GRIP1: variants seen among roughly 807,000 people sequenced by gnomAD.
GRIP1 encodes glutamate receptor interacting protein 1.
A neutral mutation model predicts 129.9 loss-of-function variants in GRIP1; 45 were observed. The observed-to-expected ratio is 0.35, with a 90% CI of 0.27 to 0.44. The LOEUF (loss-of-function observed/expected upper bound fraction) is 0.44. Ranked by LOEUF, GRIP1 falls within the 20% of genes least tolerant of loss-of-function variation. The pLI is 1.00. For synonymous variants in GRIP1, 530 were observed against 520.8 expected (o/e 1.02, Z -0.24); for missense variants, 1,196 against 1,396.8 (o/e 0.86, Z 2.29).
chr12:67,028,552 T>C (rs2042972680), intron 1 of GRIP1, among the ~76,000 whole-genome samples: 1 of 152,206 alleles, frequency 6.6e-6, no homozygotes. Context: ...AGAATATAGC[T>C]AGCATATCCT....
chr12:66,478,755 C>T (rs1474155203), intron 7 of GRIP1, among the ~76,000 whole-genome samples: 9 of 152,164 alleles, frequency 5.9e-5, no homozygotes, highest in African/African-American at 2.2e-4. Flanking sequence ...TGGAAACCAT[C>T]ATTCTCAGCA....
intron 1 of GRIP1, among the ~76,000 whole-genome samples, chr12:66,861,584 C>T (rs2040113033): frequency 6.6e-6 from 1 of 152,090 alleles, no homozygotes; most frequent in Non-Finnish European, 1.5e-5. Flanking sequence ...AGAAATCCCA[C>T]ATGGCCATGG....
chr12:66,804,891 A>G (rs577039469), upstream of GRIP1, among the ~76,000 whole-genome samples: 92 of 152,340 alleles, frequency 6.0e-4, no homozygotes, highest in African/African-American at 1.6e-3. Flanking sequence ...AGGAGTGTGC[A>G]GTATGTGTTA....
At chr12:66,565,945 T>C (rs986494056) in intron 2 of GRIP1, among the ~76,000 whole-genome samples, 1 of 152,214 alleles carries the variant, frequency 6.6e-6, no homozygotes, top group Non-Finnish European at 1.5e-5. Flanking sequence ...TGTATAGGAA[T>C]GCTTGTGATT....
rs140276917 is a variant in GRIP1 at position 66,470,798 on chromosome 12, AG to A, written c.725-5377del. ...GTGAGAAGCTTATAGGGAAACTACA[AG>A]GGATGATACCGTACTCTGGGGGCAG... On this transcript the variant is annotated intron_variant, in intron 7 of 24. Coordinates refer to ENST00000359742, the MANE Select transcript of GRIP1 (RefSeq NM_001366722.1). Among the ~76,000 whole-genome samples, 1,460 of 152,336 alleles carry A rather than the reference AG, an allele frequency of 9.6e-3. 27 individuals carry two copies. Among genetic ancestry groups the A allele is most frequent in the African/African-American group, 0.032 (1,346 of 41,562 alleles).
chr12:67,064,133 T>A (rs11176559), intron 1 of GRIP1, among the ~76,000 whole-genome samples: 46,321 of 152,170 alleles, frequency 0.3, 8,446 homozygotes, highest in Non-Finnish European at 0.41. Flanking sequence ...GAGGTTCCAA[T>A]CCTTATTGTT....
chr12:66,415,513 G>A (rs2057567389), intron 15 of GRIP1, among the ~76,000 whole-genome samples: 1 of 152,232 alleles, frequency 6.6e-6, no homozygotes, highest in South Asian at 2.1e-4. Context: ...ACAGTGTGGC[G>A]ATTCCTCAAA....
At chr12:66,433,565 T>C (rs2058213487) in intron 13 of GRIP1, among the ~76,000 whole-genome samples, 1 of 152,230 alleles carries the variant, frequency 6.6e-6, no homozygotes, top group East Asian at 1.9e-4. Context: ...AAGCTGATTT[T>C]ATCCAGACCT....
intron 7 of GRIP1, among the ~76,000 whole-genome samples, chr12:66,490,428 G>A (rs2060073937): frequency 6.6e-6 from 1 of 152,154 alleles, no homozygotes; most frequent in African/African-American, 2.4e-5. Flanking sequence ...CTAGCCATAG[G>A]CAGAAAATTG....
chr12:66,996,481 C>T (rs2042468888), intron 1 of GRIP1, among the ~76,000 whole-genome samples: 2 of 152,232 alleles, frequency 1.3e-5, no homozygotes, highest in South Asian at 4.1e-4. Context: ...TGCCTAAGGG[C>T]CTTGGAGTCT....
chr12:66,819,945 A>G (rs1480011), intron 1 of GRIP1, among the ~76,000 whole-genome samples: 24,529 of 152,170 alleles, frequency 0.16, 2,143 homozygotes, highest in East Asian at 0.38. Flanking sequence ...CAATTGATGA[A>G]TTTCTGGAGT....
At chr12:66,880,259 T>C (rs1175098455) in intron 1 of GRIP1, among the ~76,000 whole-genome samples, 1 of 151,960 alleles carries the variant, frequency 6.6e-6, no homozygotes, top group African/African-American at 2.4e-5. Context: ...CTCACTAGGA[T>C]TGTGGGTGGT....
intron 7 of GRIP1, among the ~76,000 whole-genome samples, chr12:66,510,747 G>A (rs982999): frequency 0.088 from 13,359 of 151,988 alleles, 641 homozygotes; most frequent in Admixed American, 0.15. Context: ...CCAGGGTTGA[G>A]GTATTGATAT....
At chr12:66,438,742 C>T (rs1027616154) in intron 13 of GRIP1, among the ~76,000 whole-genome samples, 1 of 152,056 alleles carries the variant, frequency 6.6e-6, no homozygotes, top group Non-Finnish European at 1.5e-5. Context: ...GTAATCCACC[C>T]GCCTTGGCCT....
At chr12:66,834,602 A>G (rs1402160467) in intron 1 of GRIP1, among the ~76,000 whole-genome samples, 1 of 152,190 alleles carries the variant, frequency 6.6e-6, no homozygotes, top group African/African-American at 2.4e-5. Context: ...ATGTATTTCC[A>G]TTGCATCTGC....
intron 1 of GRIP1, among the ~76,000 whole-genome samples, chr12:66,828,793 T>C (rs1291327227): frequency 6.6e-6 from 1 of 152,192 alleles, no homozygotes; most frequent in Non-Finnish European, 1.5e-5. Flanking sequence ...TTTTCAAGTG[T>C]GTTTTATCTT....
intron 2 of GRIP1, among the ~76,000 whole-genome samples, chr12:66,580,985 C>G (rs2063353811): frequency 1.3e-5 from 2 of 152,092 alleles, no homozygotes; most frequent in Admixed American, 1.3e-4. Context: ...ACAGCTATTC[C>G]AAAATTGACC....
At chr12:66,797,283 T>G (rs924643266) in intron 1 of GRIP1, among the ~76,000 whole-genome samples, 1 of 152,316 alleles carries the variant, frequency 6.6e-6, no homozygotes, top group Middle Eastern at 3.4e-3. Context: ...TTAAATGCAC[T>G]GCAGTTATGC....
intron 7 of GRIP1, among the ~76,000 whole-genome samples, chr12:66,484,757 G>C (rs1365186355): frequency 6.6e-6 from 1 of 152,138 alleles, no homozygotes; most frequent in Non-Finnish European, 1.5e-5. Context: ...TCTAGTGTTT[G>C]ATAGCACAAT....
Sources: allele counts gnomAD v4.1 joint callset (sites outside exome capture counted in the v4.1 genomes callset), GRCh38; gene constraint gnomAD v4.1.1; transcripts MANE v1.5; gene names NCBI Gene and HGNC (gene_info 2026-07-23, HGNC 2026-07-21).